Variants in LRRC75A observed in about 807,000 individuals in gnomAD.
LRRC75A encodes leucine rich repeat containing 75A, also known as leucine-rich repeat-containing protein 75A.
A neutral mutation model predicts 26.0 loss-of-function variants in LRRC75A; 12 were observed. That is an observed-to-expected ratio of 0.46 (90% CI 0.30 to 0.75). The LOEUF is 0.75. LRRC75A is among the 30% of genes least tolerant of loss of function. The pLI, the probability that LRRC75A is intolerant of heterozygous loss-of-function variation, is 0.08. For synonymous variants in LRRC75A, 223 were observed against 219.3 expected (o/e 1.02, Z -0.15); for missense variants, 410 against 486.6 (o/e 0.84, Z 1.48).
At chr17:16,485,631 AGTGTGTGTGTGTGTGTGTGTGTGTGTGT>A (rs35125617) in intron 1 of LRRC75A, among the ~76,000 whole-genome samples, 5 of 128,400 alleles carry the variant, frequency 3.9e-5, no homozygotes, top group African/African-American at 1.6e-4. Flanking sequence ...CAGGACAAGC[AGTGTGTGTGTGTGTGTGTGTGTGTGTGT>A]GTGTGTGTGT....
At chr17:16,480,705 C>A (rs2093832060) in intron 1 of LRRC75A, among the ~76,000 whole-genome samples, 1 of 151,370 alleles carries the variant, frequency 6.6e-6, no homozygotes, top group African/African-American at 2.4e-5. Context: ...GCTCCCCATT[C>A]TTCCCCTCTC....
Position 16,491,979 on chromosome 17 carries a change from C to A in LRRC75A, c.12G>T (p.Arg4=). 1 of 1,186,702 alleles carries A rather than the reference C, an allele frequency of 8.4e-7. No homozygotes were observed. The allele number at this position is 1,186,702 out of a possible 1,614,324, so 73.5% of individuals were successfully genotyped here. MGT[R]QTKGSLAERA... is the part of the protein sequence containing the mutation. Reference sequence around the variant, plus strand: ...TCTCCGCCAGGCTGCCCTTGGTCTGCCGGGTGCCCATGCCGCCGCCGCCCG... The same window carrying A: ...TCTCCGCCAGGCTGCCCTTGGTCTGACGGGTGCCCATGCCGCCGCCGCCCG... The change falls in exon 1 of 4, where the codon CGG becomes CGT. Residue 4 remains arginine, a synonymous_variant. Coordinates refer to ENST00000470794, the MANE Select transcript of LRRC75A (RefSeq NM_001113567.3). The surrounding 1 kb of genome is among the most constrained non-coding windows in gnomAD (Gnocchi z 5.9).
At chr17:16,457,694 T>A (rs2093695889) in intron 2 of LRRC75A, among the ~76,000 whole-genome samples, 1 of 152,020 alleles carries the variant, frequency 6.6e-6, no homozygotes, top group African/African-American at 2.4e-5. Flanking sequence ...ATTGTGGGGG[T>A]TGGGCTCACA....
At chr17:16,471,968 G>A (rs530082459) in intron 1 of LRRC75A, among the ~76,000 whole-genome samples, 4 of 152,292 alleles carry the variant, frequency 2.6e-5, no homozygotes, top group African/African-American at 9.6e-5. Flanking sequence ...GAAGATGAAA[G>A]AGTTCTGGAG....
Position 16,491,710 on chromosome 17 carries a change from C to A in LRRC75A, c.246+35G>T, listed in dbSNP as rs1252617375. 2.3e-6 allele frequency: 3 copies of A among 1,296,646 alleles called. No homozygotes were observed. The highest frequency in any genetic ancestry group is 2.9e-6 in the Non-Finnish European group (3 of 1,024,152). The allele number at this position is 1,296,646 out of a possible 1,614,324, so 80.3% of individuals were successfully genotyped here. A position where few individuals can be genotyped will look rare whatever the true frequency, so the allele number is the denominator to read the frequency against. On this transcript the variant is annotated intron_variant, in intron 1 of 3. Transcript: ENST00000470794. This position sits in a 1 kb window ranked among gnomAD's most constrained non-coding sequence, Gnocchi z 5.9. ...CCCCCGGCCCAGCACGCCCCCTGGC[C>A]CGGCGCGCCCCCCGCGCCCCCTCCC...
chr17:16,465,396 G>C (rs747288250), intron 1 of LRRC75A, among the ~76,000 whole-genome samples: 8 of 152,358 alleles, frequency 5.3e-5, no homozygotes, highest in Non-Finnish European at 8.8e-5. Flanking sequence ...AACCACACTA[G>C]TGGTTATTAA....
intron 2 of LRRC75A, among the ~76,000 whole-genome samples, chr17:16,451,532 G>A (rs1384156371): frequency 6.6e-6 from 1 of 151,244 alleles, no homozygotes; most frequent in Non-Finnish European, 1.5e-5. Flanking sequence ...TGAGGCAGGA[G>A]AATTGTTTGA....
Position 16,462,531 on chromosome 17 carries a change from G to A in LRRC75A, c.247-145C>T. On this transcript the variant is annotated intron_variant, in intron 1 of 3. Transcript: ENST00000470794. This position sits in a 1 kb window ranked among gnomAD's most constrained non-coding sequence, Gnocchi z 4.6. ...GGAGCATCTGCAGAACTTCCCTCAGGGGCTGGGGCAGGCCTCTCCTGTTTG... is the reference window on the plus strand; with the variant it reads ...GGAGCATCTGCAGAACTTCCCTCAGAGGCTGGGGCAGGCCTCTCCTGTTTG... The A allele has an allele frequency of 1.8e-6, 2 of 1,104,196 alleles. No individual in the cohort carries two copies. Among genetic ancestry groups the A allele is most frequent in the South Asian group, 3.2e-5 (2 of 63,476 alleles). The allele number at this position is 1,104,196 out of a possible 1,614,324, so 68.4% of individuals were successfully genotyped here. A position where few individuals can be genotyped will look rare whatever the true frequency, so the allele number is the denominator to read the frequency against.
chr17:16,467,535 C>A (rs1475400398), intron 1 of LRRC75A, among the ~76,000 whole-genome samples: 1 of 152,170 alleles, frequency 6.6e-6, no homozygotes, highest in South Asian at 2.1e-4. Context: ...TACACAGATG[C>A]TTTCTCTTCT....
At position 16,443,048 on chromosome 17, in the gene LRRC75A, G is replaced by A. The variant is rs1294366673; in HGVS notation, c.*540C>T. On this transcript the variant is annotated 3_prime_UTR_variant, in exon 4 of 4. Coordinates refer to ENST00000470794, the MANE Select transcript of LRRC75A (RefSeq NM_001113567.3). Reference sequence around the variant, plus strand: ...AGGGCTGGGTCTCCATAAGGAGGTAGGCCACGTTCAGTCCACCCCTAGCAT... The same window carrying A: ...AGGGCTGGGTCTCCATAAGGAGGTAAGCCACGTTCAGTCCACCCCTAGCAT... 2 of 153,214 alleles carry A rather than the reference G, an allele frequency of 1.3e-5. No individual in the cohort carries two copies. Among genetic ancestry groups the A allele is most frequent in the African/African-American group, 4.8e-5 (2 of 41,458 alleles). The allele number at this position is 153,214 out of a possible 1,614,324, so 9.5% of individuals were successfully genotyped here. A position where few individuals can be genotyped will look rare whatever the true frequency, so the allele number is the denominator to read the frequency against.
At position 16,491,806 on chromosome 17, in the gene LRRC75A, A is replaced by T; in HGVS notation, c.185T>A (p.Leu62Gln). ...CCGCCGGCCCTGGCGCACCATCCGC[A>T]GCAGCTCCTGGACCATGCCGACTCG... ...HRRVGMVQEL[L>Q]RMVRQGRREE... Residue 62 changes from leucine (L) to glutamine (Q), a missense_variant, in exon 1 of 4, where the codon CTG (leucine) becomes CAG (glutamine). Coordinates refer to ENST00000470794, the MANE Select transcript of LRRC75A (RefSeq NM_001113567.3). This position sits in a 1 kb window ranked among gnomAD's most constrained non-coding sequence, Gnocchi z 5.9. 7.0e-7 allele frequency: 1 copy of T among 1,434,646 alleles called. No homozygotes were observed. Among genetic ancestry groups the T allele is most frequent in the African/African-American group, 1.5e-5 (1 of 66,226 alleles). The allele number at this position is 1,434,646 out of a possible 1,614,324, so 88.9% of individuals were successfully genotyped here. A position where few individuals can be genotyped will look rare whatever the true frequency, so the allele number is the denominator to read the frequency against.
intron 3 of LRRC75A, among the ~76,000 whole-genome samples, chr17:16,444,931 C>T (rs1601062518): frequency 6.6e-6 from 1 of 151,654 alleles, no homozygotes; most frequent in African/African-American, 2.4e-5. Context: ...TCACTGCACC[C>T]TCTGCCTCCC....
rs1424931205 is a variant in LRRC75A, at chr17:16,462,253, C to G, written c.375+5G>C. On this transcript the variant is annotated splice_donor_5th_base_variant and intron_variant, in intron 2 of 3. Transcript: ENST00000470794. The surrounding 1 kb of genome is among the most constrained non-coding windows in gnomAD (Gnocchi z 4.6). ...CCTGGCTGGCTCGGACCACAGCCAC[C>G]CTACCGGCTTGGGACAGTGGATGTA... 1.2e-6 allele frequency: 2 copies of G among 1,614,050 alleles called. No individual in the cohort carries two copies. The highest frequency in any genetic ancestry group is 1.1e-5 in the South Asian group (1 of 91,066).
At chr17:16,480,961 T>C (rs2093832600) in intron 1 of LRRC75A, among the ~76,000 whole-genome samples, 1 of 152,232 alleles carries the variant, frequency 6.6e-6, no homozygotes, top group Admixed American at 6.5e-5. Flanking sequence ...GTCCCAGTCC[T>C]GTGTGACCCT....
chr17:16,482,506 G>C (rs2093836880), intron 1 of LRRC75A, among the ~76,000 whole-genome samples: 1 of 152,178 alleles, frequency 6.6e-6, no homozygotes, highest in Non-Finnish European at 1.5e-5. Flanking sequence ...AGGGCCGCTG[G>C]GAGGCACCAG....
intron 2 of LRRC75A, among the ~76,000 whole-genome samples, chr17:16,452,894 G>T (rs1390901000): frequency 3.3e-5 from 5 of 152,134 alleles, no homozygotes; most frequent in Admixed American, 2.6e-4. Context: ...TTAGAACTGA[G>T]CCCCTCAGCT....
At chr17:16,490,744 T>C (rs536542839) in intron 1 of LRRC75A, among the ~76,000 whole-genome samples, 1 of 152,296 alleles carries the variant, frequency 6.6e-6, no homozygotes, top group South Asian at 2.1e-4. Flanking sequence ...CCTGAGATTT[T>C]CCCTCTGCCA....
chr17:16,443,861 A>G lies in LRRC75A; in HGVS notation c.762T>C (p.Leu254=), dbSNP rs769521255. The G allele has an allele frequency of 6.2e-7, 1 of 1,613,700 alleles. No individual in the cohort carries two copies. ...RAVLRDLTDI[L]KDPSKFPNVT... ...CATTGGGGAACTTGCTGGGATCCTT[A>G]AGGATGTCAGTGAGGTCGCGCAGCA... Residue 254 remains leucine, a synonymous_variant, in exon 4 of 4, where the codon CTT becomes CTC. Coordinates refer to ENST00000470794, the MANE Select transcript of LRRC75A (RefSeq NM_001113567.3).
At chr17:16,486,211 T>G (rs1322812608) in intron 1 of LRRC75A, among the ~76,000 whole-genome samples, 1 of 152,078 alleles carries the variant, frequency 6.6e-6, no homozygotes, top group African/African-American at 2.4e-5. Flanking sequence ...ACCCTGACGG[T>G]CCATGGATGG....
Sources: allele counts gnomAD v4.1 joint callset (sites outside exome capture counted in the v4.1 genomes callset), GRCh38; gene constraint gnomAD v4.1.1; non-coding constraint Gnocchi (gnomAD v3.1); transcripts MANE v1.5; gene names NCBI Gene and HGNC (gene_info 2026-07-23, HGNC 2026-07-21).